SLC7A5: variants seen among roughly 807,000 people sequenced by gnomAD.
The protein encoded by SLC7A5 is solute carrier family 7 member 5, also known as large neutral amino acids transporter small subunit 1.
Under a neutral mutation model 50.2 loss-of-function variants are expected in SLC7A5, and 23 were observed. The ratio of observed to expected loss-of-function variants is 0.46; its 90% CI spans 0.33 to 0.65. SLC7A5 has a LOEUF of 0.65. Among genes scored for constraint, SLC7A5 ranks in the 30% least tolerant of loss-of-function variants. The pLI, the probability that SLC7A5 is intolerant of heterozygous loss-of-function variation, is 0.02. For missense variants in SLC7A5, 578 were observed against 684.4 expected (o/e 0.84, Z 1.73); for synonymous variants, 393 against 330.6 (o/e 1.19, Z -2.05).
chr16:87,837,594 C>T (rs2055023583), intron 7 of SLC7A5: 1 of 506,954 alleles, frequency 2.0e-6, no homozygotes, highest in Non-Finnish European at 3.6e-6. Context: ...AGCAGCACCC[C>T]GGGTCAGCTT....
rs1359929449 is a variant in SLC7A5 at position 87,860,307 on chromosome 16, C to G, written c.539-8458G>C. Among the ~76,000 whole-genome samples the G allele has an allele frequency of 4.2e-5, 6 of 141,608 alleles. No individual in the cohort carries two copies. The highest frequency in any genetic ancestry group is 9.1e-5 in the Non-Finnish European group (6 of 66,032). 92.9% of individuals were successfully genotyped at this position (141,608 alleles called of 152,430 possible). ...GAGATCATACCACTGCACTCCAGCC[C>G]GAGTAACAAAAGCATCTCAAAAAAA... On this transcript the variant is annotated intron_variant, in intron 1 of 9. Coordinates refer to ENST00000261622, the MANE Select transcript of SLC7A5 (RefSeq NM_003486.7). The surrounding 1 kb of genome is among the most constrained non-coding windows in gnomAD (Gnocchi z 4.8).
At chr16:87,855,110 G>T (rs1198371958) in intron 1 of SLC7A5, among the ~76,000 whole-genome samples, 2 of 152,248 alleles carry the variant, frequency 1.3e-5, no homozygotes. Context: ...GATACCCTGA[G>T]GCTCACGCAG....
chr16:87,833,082 C>T lies in SLC7A5; in HGVS notation c.1469-57G>A, dbSNP rs1417053258. The T allele has an allele frequency of 1.4e-6, 2 of 1,480,484 alleles. No individual in the cohort carries two copies. The highest frequency in any genetic ancestry group is 1.9e-6 in the Non-Finnish European group (2 of 1,059,272). 91.7% of individuals were successfully genotyped at this position (1,480,484 alleles called of 1,614,324 possible). A position where few individuals can be genotyped will look rare whatever the true frequency, so the allele number is the denominator to read the frequency against. On this transcript the variant is annotated intron_variant, in intron 9 of 9. Transcript: ENST00000261622. This position sits in a 1 kb window ranked among gnomAD's most constrained non-coding sequence, Gnocchi z 6.0. The stretch of plus-strand genomic sequence containing the variant: ...GGGGGCTGGGTAGGCACCCGTGGGA[C>T]ACGGGGGCGTGAGCTGGGGCTCCCC...
At chr16:87,851,213 TA>T (rs2055218338) in intron 2 of SLC7A5, among the ~76,000 whole-genome samples, 1 of 152,206 alleles carries the variant, frequency 6.6e-6, no homozygotes, top group South Asian at 2.1e-4. Context: ...TCATCTTCTT[TA>T]AAAAGCAGAC....
rs755976396 is a variant in SLC7A5, at chr16:87,841,017, C to T, written c.770+33G>A. The T allele has an allele frequency of 1.3e-6, 2 of 1,486,936 alleles. No homozygotes were observed. The highest frequency in any genetic ancestry group is 1.9e-6 in the Non-Finnish European group (2 of 1,065,228). The allele number at this position is 1,486,936 out of a possible 1,614,324, so 92.1% of individuals were successfully genotyped here. A position where few individuals can be genotyped will look rare whatever the true frequency, so the allele number is the denominator to read the frequency against. On this transcript the variant is annotated intron_variant, in intron 3 of 9. Coordinates refer to ENST00000261622, the MANE Select transcript of SLC7A5 (RefSeq NM_003486.7). The surrounding 1 kb of genome is among the most constrained non-coding windows in gnomAD (Gnocchi z 4.8). ...GGACACGTCAGGGACTGTATGTCCC[C>T]AGACCAAGGGACCCAGACATTCCAG...
At position 87,837,856 on chromosome 16, in the gene SLC7A5, G is replaced by T. The variant is rs764765956; in HGVS notation, c.1129C>A (p.Leu377Ile). The T allele has an allele frequency of 3.7e-6, 6 of 1,605,450 alleles. No individual in the cohort carries two copies. The highest frequency in any genetic ancestry group is 4.2e-6 in the Non-Finnish European group (5 of 1,177,268). Residue 377 changes from leucine to isoleucine, a missense_variant, in exon 7 of 10, where the codon CTC becomes ATC. Coordinates refer to ENST00000261622, the MANE Select transcript of SLC7A5 (RefSeq NM_003486.7). ...TGCAGCAGGCTTACCGTGAACACGA[G>T]GGACGGCACGGGGGTGAGGAGCTGT... ...HPQLLTPVPS[L>I]VFTCVMTLLY...
In SLC7A5 at chr16:87,848,816, T is replaced by C. The variant is rs566955165; in HGVS notation, c.664+2908A>G. ...CTCTGGATGCGGGGCCATGTTCTCA[T>C]TGGGACCCGGCATAGATGCGGCACA... is the stretch of plus-strand genomic sequence containing the variant. On this transcript the variant is annotated intron_variant, in intron 2 of 9. Coordinates refer to ENST00000261622, the MANE Select transcript of SLC7A5 (RefSeq NM_003486.7). 7.9e-5 allele frequency among the ~76,000 whole-genome samples: 12 copies of C among 152,318 alleles called. No individual in the cohort carries two copies. The South Asian group carries it at 8.3e-4, about 11-fold the overall frequency.
intron 1 of SLC7A5, among the ~76,000 whole-genome samples, chr16:87,854,659 C>T (rs1395491605): frequency 2.6e-5 from 4 of 152,268 alleles, no homozygotes; most frequent in African/African-American, 9.6e-5. Context: ...GTGGCCGCGC[C>T]AGCCTGCGGG....
intron 2 of SLC7A5, among the ~76,000 whole-genome samples, chr16:87,851,170 G>C (rs953114624): frequency 5.3e-5 from 8 of 152,220 alleles, no homozygotes; most frequent in Admixed American, 5.2e-4. Context: ...GAGTGATGGG[G>C]TTACCACGTT....
At position 87,853,750 on chromosome 16, in the gene SLC7A5, C is replaced by G. The variant is rs912111939; in HGVS notation, c.539-1901G>C. The G allele has an allele frequency of 5.3e-5, 8 of 152,236 alleles. No individual in the cohort carries two copies. Among genetic ancestry groups the G allele is most frequent in the Non-Finnish European group, 1.0e-4 (7 of 68,042 alleles). The allele number at this position is 152,236 out of a possible 1,614,324, so 9.4% of individuals were successfully genotyped here. A position where few individuals can be genotyped will look rare whatever the true frequency, so the allele number is the denominator to read the frequency against. On this transcript the variant is annotated intron_variant, in intron 1 of 9. Transcript: ENST00000261622. The surrounding 1 kb of genome is among the most constrained non-coding windows in gnomAD (Gnocchi z 4.4). ...CGCAAGAGGCCGGCTGATTGCATCA[C>G]TCGCTCATTCATGCCCGGAGGGAGG...
At chr16:87,864,166 C>T (rs1046359540) in intron 1 of SLC7A5, among the ~76,000 whole-genome samples, 13 of 150,878 alleles carry the variant, frequency 8.6e-5, no homozygotes, top group African/African-American at 3.2e-4. Context: ...GTGGTGCATG[C>T]CTGTAATCCC....
chr16:87,845,331 G>A (rs1032416924), intron 2 of SLC7A5, among the ~76,000 whole-genome samples: 9 of 152,210 alleles, frequency 5.9e-5, no homozygotes, highest in Non-Finnish European at 1.3e-4. Context: ...CAGCACCCTG[G>A]AGCTAGCTGC....
intron 1 of SLC7A5, among the ~76,000 whole-genome samples, chr16:87,863,388 G>A (rs2055422643): frequency 6.6e-6 from 1 of 152,182 alleles, no homozygotes; most frequent in Non-Finnish European, 1.5e-5. Flanking sequence ...AGGGAGGTCA[G>A]ATAAACTGCC....
In SLC7A5 at chr16:87,830,236, T is replaced by C. The variant is rs2054920293; in HGVS notation, c.*2734A>G. 6.6e-6 allele frequency: 1 copy of C among 152,344 alleles called. No homozygotes were observed. The highest frequency in any genetic ancestry group is 1.9e-4 in the East Asian group (1 of 5,182). 9.4% of individuals were successfully genotyped at this position (152,344 alleles called of 1,614,324 possible). On this transcript the variant is annotated 3_prime_UTR_variant, in exon 10 of 10. Transcript: ENST00000261622. ...CTGGGACACAGACAGGGAGCAGGCA[T>C]GGCACCTGCGCCACGCAGAGCAGCA...
In SLC7A5 at chr16:87,841,905, C is replaced by T. The variant is rs899577855; in HGVS notation, c.665-750G>A. ...CCCTTTTTCCAAATAAGGCCACCAG[C>T]ATTCACAGGTTCCCCAGGAGGACAT... On this transcript the variant is annotated intron_variant, in intron 2 of 9. Transcript: ENST00000261622. The surrounding 1 kb of genome is among the most constrained non-coding windows in gnomAD (Gnocchi z 4.8). 6.6e-6 allele frequency among the ~76,000 whole-genome samples: 1 copy of T among 152,226 alleles called. No homozygotes were observed. The highest frequency in any genetic ancestry group is 1.5e-5 in the Non-Finnish European group (1 of 68,046).
chr16:87,868,466 T>A (rs1394307404), intron 1 of SLC7A5, among the ~76,000 whole-genome samples: 5 of 152,318 alleles, frequency 3.3e-5, no homozygotes, highest in African/African-American at 4.8e-5. Context: ...ATTTTTTTTT[T>A]AACTGCAATT....
Position 87,851,720 on chromosome 16 carries a change from T to C in SLC7A5, c.664+4A>G. ...CGCCGGTGGGGCCTGGGGGACGTAC[T>C]CACCCTTCCCGATCTGGACGAAGCC... On this transcript the variant is annotated splice_donor_region_variant and intron_variant, in intron 2 of 9. Transcript: ENST00000261622. The C allele has an allele frequency of 1.2e-6, 2 of 1,610,632 alleles. No homozygotes were observed. The highest frequency in any genetic ancestry group is 1.7e-6 in the Non-Finnish European group (2 of 1,178,000).
chr16:87,869,478 G>T lies in SLC7A5; in HGVS notation c.-56C>A, dbSNP rs1015573132. On this transcript the variant is annotated 5_prime_UTR_variant, in exon 1 of 10. Coordinates refer to ENST00000261622, the MANE Select transcript of SLC7A5 (RefSeq NM_003486.7). ...CGGGAGCCGCGGCCCAGCGAGCAGT[G>T]TGCGCGCCGCCCGCCGCCCGCAGCT... The T allele has an allele frequency of 5.5e-5, 65 of 1,174,044 alleles. No homozygotes were observed. The highest frequency in any genetic ancestry group is 6.2e-5 in the Non-Finnish European group (59 of 949,736). The allele number at this position is 1,174,044 out of a possible 1,614,324, so 72.7% of individuals were successfully genotyped here.
In SLC7A5 at chr16:87,845,935, G is replaced by A. The variant is rs1166439195; in HGVS notation, c.665-4780C>T. 6.6e-5 allele frequency among the ~76,000 whole-genome samples: 10 copies of A among 152,174 alleles called. No individual in the cohort carries two copies. In the East Asian group the frequency reaches 1.9e-3, roughly 29 times the overall value. On this transcript the variant is annotated intron_variant, in intron 2 of 9. Transcript: ENST00000261622. ...GATTCTGTCCCAGCACACGGCACCG[G>A]CAGAGCCCCAGCTTCCCCAGCCTGT...
Sources: allele counts gnomAD v4.1 joint callset (sites outside exome capture counted in the v4.1 genomes callset), GRCh38; gene constraint gnomAD v4.1.1; non-coding constraint Gnocchi (gnomAD v3.1); transcripts MANE v1.5; gene names NCBI Gene and HGNC (gene_info 2026-07-23, HGNC 2026-07-21).